PHC2: variants seen among roughly 807,000 people sequenced by gnomAD.
PHC2 encodes polyhomeotic homolog 2, also known as polyhomeotic-like protein 2.
A neutral mutation model predicts 87.4 loss-of-function variants in PHC2; 29 were observed. The ratio of observed to expected loss-of-function variants is 0.33; its 90% CI spans 0.25 to 0.45. The LOEUF (loss-of-function observed/expected upper bound fraction) is 0.45, where lower values mean the gene tolerates loss of function less well. Among genes scored for constraint, PHC2 ranks in the 20% least tolerant of loss-of-function variants. The pLI is 1.00. For synonymous variants in PHC2, 438 were observed against 461.7 expected (o/e 0.95, Z 0.66); for missense variants, 857 against 1,136.7 (o/e 0.75, Z 3.54).
chr1:33,356,187 G>A (rs61801972), intron 7 of PHC2, among the ~76,000 whole-genome samples: 2,742 of 148,684 alleles, frequency 0.018, 39 homozygotes, highest in South Asian at 0.061. Context: ...TTTGGCATGT[G>A]TTGCTATGCT....
intron 1 of PHC2, among the ~76,000 whole-genome samples, chr1:33,416,898 C>A (rs1344122048): frequency 6.6e-6 from 1 of 151,992 alleles, no homozygotes; most frequent in African/African-American, 2.4e-5. Flanking sequence ...GTCACGTTTC[C>A]TCATTTTTTA....
intron 7 of PHC2, 131 bp from the exon 8 acceptor site, chr1:33,355,384 C>A (rs554285523): frequency 3.2e-5 from 25 of 782,500 alleles, no homozygotes; most frequent in Middle Eastern, 3.8e-4. Flanking sequence ...TCATCTCTTT[C>A]ATTTTTCACC....
chr1:33,410,949 TG>T (rs1649958016), intron 1 of PHC2, among the ~76,000 whole-genome samples: 2 of 152,188 alleles, frequency 1.3e-5, no homozygotes, highest in Non-Finnish European at 2.9e-5. Flanking sequence ...GCACTAACTA[TG>T]GGGGTCCTTG....
At chr1:33,394,035 T>G (rs1177529034) in intron 1 of PHC2, among the ~76,000 whole-genome samples, 3 of 152,194 alleles carry the variant, frequency 2.0e-5, no homozygotes, top group Non-Finnish European at 2.9e-5. Context: ...TCCTGGGGGT[T>G]GGGGAGGGCA....
chr1:33,415,804 A>C (rs985744983), intron 1 of PHC2, among the ~76,000 whole-genome samples: 2 of 152,244 alleles, frequency 1.3e-5, no homozygotes, highest in Non-Finnish European at 2.9e-5. Context: ...GACAAGAGAA[A>C]GGGAAAGTGT....
At chr1:33,419,619 AT>A (rs1184425702) in intron 1 of PHC2, among the ~76,000 whole-genome samples, 2 of 150,652 alleles carry the variant, frequency 1.3e-5, no homozygotes, top group Admixed American at 6.6e-5. Context: ...TCTCTTTCTT[AT>A]TTTTTTTGAG....
In PHC2 at chr1:33,371,150, G is replaced by C. The variant is rs1219624117; in HGVS notation, c.334-56C>G. On this transcript the variant is annotated intron_variant, in intron 3 of 14. Transcript: ENST00000683057. ...TCCCAGACCTCCCCCAGTCACTCCT[G>C]GGCTCTCATCATCCACAGGAGGTGC... is the stretch of plus-strand genomic sequence containing the variant. 3.5e-6 allele frequency: 5 copies of C among 1,427,314 alleles called. No individual in the cohort carries two copies. In the East Asian group the frequency reaches 6.8e-5, roughly 19 times the overall value. 88.4% of individuals were successfully genotyped at this position (1,427,314 alleles called of 1,614,324 possible).
intron 7 of PHC2, among the ~76,000 whole-genome samples, chr1:33,361,339 T>G (rs1165477253): frequency 6.6e-6 from 1 of 152,086 alleles, no homozygotes; most frequent in Non-Finnish European, 1.5e-5. Context: ...CAGTGAAGGT[T>G]TTTGTTTTTT....
intron 1 of PHC2, among the ~76,000 whole-genome samples, chr1:33,417,083 A>G: frequency 6.6e-6 from 1 of 152,104 alleles, no homozygotes; most frequent in South Asian, 2.1e-4. Context: ...TAAGTTAAAG[A>G]CATATGTTAT....
At chr1:33,340,983 TAGAA>T (rs1301018449) in intron 9 of PHC2, among the ~76,000 whole-genome samples, 2 of 151,998 alleles carry the variant, frequency 1.3e-5, no homozygotes, top group Non-Finnish European at 2.9e-5. Flanking sequence ...GGATTAAAGT[TAGAA>T]AGGCCCTGAG....
chr1:33,364,403 C>CTTGCTT lies in PHC2; in HGVS notation c.976+2712_976+2713insAAGCAA, dbSNP rs1170869662. Among the ~76,000 whole-genome samples, 12 of 72,768 alleles carry CTTGCTT rather than the reference C, an allele frequency of 1.6e-4. No individual in the cohort carries two copies. The highest frequency in any genetic ancestry group is 3.3e-4 in the Non-Finnish European group (12 of 36,904). The allele number at this position is 72,768 out of a possible 152,430, so 47.7% of individuals were successfully genotyped here. On this transcript the variant is annotated intron_variant, in intron 7 of 14. Transcript: ENST00000683057. This position sits in a 1 kb window ranked among gnomAD's most constrained non-coding sequence, Gnocchi z 4.1. ...ACACACTTGCTTTCACACACACACA[C>CTTGCTT]ACACACACACACACACACACACGCT... is the stretch of plus-strand genomic sequence containing the variant.
intron 1 of PHC2, among the ~76,000 whole-genome samples, chr1:33,416,361 A>G (rs2148398787): frequency 6.6e-6 from 1 of 151,430 alleles, no homozygotes; most frequent in Middle Eastern, 3.4e-3. Context: ...AGGTCAGGAG[A>G]TTGAGACCTT....
At chr1:33,395,204 A>G (rs552018325) in intron 1 of PHC2, among the ~76,000 whole-genome samples, 1 of 152,338 alleles carries the variant, frequency 6.6e-6, no homozygotes, top group African/African-American at 2.4e-5. Context: ...ACAAGGGTAC[A>G]TACTACATGG....
intron 1 of PHC2, among the ~76,000 whole-genome samples, chr1:33,400,109 TAA>T (rs1649461250): frequency 6.6e-6 from 1 of 152,154 alleles, no homozygotes; most frequent in African/African-American, 2.4e-5. Context: ...AAACTAAGTA[TAA>T]GATTGGTAAA....
intron 1 of PHC2, among the ~76,000 whole-genome samples, chr1:33,414,177 T>TCTCACACACACACA (rs372228145): frequency 7.0e-6 from 1 of 142,754 alleles, no homozygotes; most frequent in East Asian, 2.0e-4. Context: ...TCTCTCTCTG[T>TCTCACACACACACA]CACACACACA....
chr1:33,409,734 C>G (rs1010951622), intron 1 of PHC2, among the ~76,000 whole-genome samples: 6 of 152,104 alleles, frequency 3.9e-5, no homozygotes, highest in African/African-American at 1.4e-4. Context: ...TTTTAGCCAC[C>G]AGAAGAGTAA....
intron 1 of PHC2, among the ~76,000 whole-genome samples, chr1:33,401,316 A>G (rs1224439531): frequency 6.6e-6 from 1 of 151,970 alleles, no homozygotes; most frequent in African/African-American, 2.4e-5. Context: ...ACAGAGCCAG[A>G]CTCCGTCTCA....
chr1:33,406,616 C>T (rs978793690), intron 1 of PHC2, among the ~76,000 whole-genome samples: 1 of 152,164 alleles, frequency 6.6e-6, no homozygotes, highest in East Asian at 1.9e-4. Context: ...TCCAGTATGA[C>T]AATCTTTGTC....
chr1:33,393,260 T>C (rs1649148489), intron 1 of PHC2, among the ~76,000 whole-genome samples: 1 of 152,128 alleles, frequency 6.6e-6, no homozygotes, highest in Admixed American at 6.5e-5. Context: ...TCAGTAGTTG[T>C]CTGGGAGGAT....
Sources: gnomAD v4.1 joint callset for allele counts (sites outside exome capture counted in the v4.1 genomes callset) on GRCh38, gnomAD v4.1.1 for gene constraint, Gnocchi (gnomAD v3.1) non-coding constraint, MANE v1.5 for transcripts, NCBI Gene and HGNC (gene_info 2026-07-23, HGNC 2026-07-21) for gene names.